Variants in PRKAG2 observed in about 807,000 individuals in gnomAD.
PRKAG2 encodes 5'-AMP-activated protein kinase subunit gamma-2.
In PRKAG2, 26 loss-of-function variants were observed where a neutral mutation model predicts 69.6. The observed-to-expected ratio is 0.37, with a 90% CI of 0.27 to 0.52. PRKAG2 has a LOEUF of 0.52. Ranked by LOEUF, PRKAG2 falls within the 20% of genes least tolerant of loss-of-function variation. The pLI is 0.90. For missense variants in PRKAG2, 557 were observed against 740.0 expected (o/e 0.75, Z 2.87); for synonymous variants, 293 against 285.0 (o/e 1.03, Z -0.28).
intron 1 of PRKAG2, among the ~76,000 whole-genome samples, chr7:151,870,368 T>G (rs1396420522): frequency 6.6e-6 from 1 of 152,122 alleles, no homozygotes; most frequent in East Asian, 1.9e-4. Flanking sequence ...ATTCAGTAAG[T>G]CTGGGCTACG....
intron 5 of PRKAG2, among the ~76,000 whole-genome samples, chr7:151,624,860 A>G (rs1419754038): frequency 1.3e-5 from 2 of 152,208 alleles, no homozygotes; most frequent in Non-Finnish European, 2.9e-5. Flanking sequence ...CATTTCTCCA[A>G]TGCCTCAAAT....
At chr7:151,863,024 A>C (rs1481217897) in intron 1 of PRKAG2, among the ~76,000 whole-genome samples, 1 of 139,228 alleles carries the variant, frequency 7.2e-6, no homozygotes, top group Non-Finnish European at 1.6e-5. Flanking sequence ...CCCCAGGTGC[A>C]GGGGGCACTT....
Position 151,756,892 on chromosome 7 carries a change from C to CGG in PRKAG2, c.466+24258_466+24259dup, listed in dbSNP as rs978684140. Among the ~76,000 whole-genome samples the CGG allele has an allele frequency of 8.8e-4, 134 of 152,270 alleles. No homozygotes were observed. Among genetic ancestry groups the CGG allele is most frequent in the African/African-American group, 3.2e-3 (132 of 41,560 alleles). On this transcript the variant is annotated intron_variant, in intron 3 of 15. Transcript: ENST00000287878. The surrounding 1 kb of genome is among the most constrained non-coding windows in gnomAD (Gnocchi z 4.9). ...GAGTAACCCTCTTCCAGGTAGGACC[C>CGG]GGGCTGACAGCTGAGCTAGGGCCAT...
chr7:151,629,091 A>C (rs965728659), intron 5 of PRKAG2, among the ~76,000 whole-genome samples: 1 of 152,214 alleles, frequency 6.6e-6, no homozygotes, highest in South Asian at 2.1e-4. Flanking sequence ...TTGGTAAAGA[A>C]GTTTTACTGG....
In PRKAG2 at chr7:151,855,174, C is replaced by T. The variant is rs761986689; in HGVS notation, c.114+21333G>A. ...CACACACCATCCTCCACACACACCA[C>T]CCTCCACACACACCACCCTCCACAC... On this transcript the variant is annotated intron_variant, in intron 1 of 15. Transcript: ENST00000287878. Among the ~76,000 whole-genome samples the T allele has an allele frequency of 5.6e-4, 44 of 78,140 alleles. 4 individuals are homozygous for T. The highest frequency in any genetic ancestry group is 1.1e-3 in the South Asian group (3 of 2,768). 51.3% of individuals were successfully genotyped at this position (78,140 alleles called of 152,430 possible).
chr7:151,627,215 G>A (rs1171518705), intron 5 of PRKAG2, among the ~76,000 whole-genome samples: 1 of 152,124 alleles, frequency 6.6e-6, no homozygotes, highest in Non-Finnish European at 1.5e-5. Context: ...ACAGATCTGG[G>A]CCTGAATCCC....
At chr7:151,809,318 G>A (rs1025150737) in intron 1 of PRKAG2, 14 of 454,888 alleles carry the variant, frequency 3.1e-5, no homozygotes, top group African/African-American at 1.8e-4. Context: ...AATCAGCAGC[G>A]GGGATCATCC....
chr7:151,691,026 C>T (rs570620361), intron 3 of PRKAG2, among the ~76,000 whole-genome samples: 21 of 152,084 alleles, frequency 1.4e-4, no homozygotes, highest in Admixed American at 1.0e-3. Flanking sequence ...TAAAATACGC[C>T]GTTAAGAAAA....
At chr7:151,659,786 A>G (rs1448028865) in intron 4 of PRKAG2, among the ~76,000 whole-genome samples, 1 of 152,256 alleles carries the variant, frequency 6.6e-6, no homozygotes, top group Non-Finnish European at 1.5e-5. Flanking sequence ...TGATTATTTC[A>G]GCATGGAGGG....
chr7:151,689,548 CAGG>C (rs1210006333), intron 3 of PRKAG2, among the ~76,000 whole-genome samples: 1 of 152,224 alleles, frequency 6.6e-6, no homozygotes, highest in Non-Finnish European at 1.5e-5. Flanking sequence ...TACAGCGAAG[CAGG>C]AGAAGGCGGC....
intron 1 of PRKAG2, among the ~76,000 whole-genome samples, chr7:151,852,500 A>C (rs1881639): frequency 0.065 from 9,926 of 152,124 alleles, 737 homozygotes; most frequent in East Asian, 0.39. Context: ...ATCTCAAAAA[A>C]AGAAAGTAAA....
intron 15 of PRKAG2, 135 bp from the exon 16 acceptor site, chr7:151,557,367 G>A: frequency 6.3e-7 from 1 of 1,597,184 alleles, no homozygotes; most frequent in Non-Finnish European, 8.5e-7. Flanking sequence ...GATGTGGGAA[G>A]GAGCAGGTGG....
chr7:151,571,238 C>G (rs1158500643), intron 9 of PRKAG2, among the ~76,000 whole-genome samples: 2 of 150,414 alleles, frequency 1.3e-5, no homozygotes, highest in Non-Finnish European at 3.0e-5. Flanking sequence ...CGCCTGGCTA[C>G]TTTTTTGTAT....
At chr7:151,572,544 A>G (rs1807824646) in intron 9 of PRKAG2, 120 bp downstream of exon 9, 2 of 750,914 alleles carry the variant, frequency 2.7e-6, no homozygotes, top group Non-Finnish European at 4.6e-6. Context: ...AATAAAGAGA[A>G]TGTTTTATAT....
At chr7:151,647,319 T>C (rs1397736353) in intron 4 of PRKAG2, among the ~76,000 whole-genome samples, 1 of 152,190 alleles carries the variant, frequency 6.6e-6, no homozygotes, top group Non-Finnish European at 1.5e-5. Context: ...CTCTGCTGCT[T>C]TGCAGCCAGA....
chr7:151,637,783 A>G (rs1480091332), intron 4 of PRKAG2, among the ~76,000 whole-genome samples: 1 of 151,710 alleles, frequency 6.6e-6, no homozygotes, highest in Non-Finnish European at 1.5e-5. Flanking sequence ...TATGTACATT[A>G]ATGTGCACAG....
At chr7:151,834,733 A>C (rs1489909027) in intron 1 of PRKAG2, among the ~76,000 whole-genome samples, 1 of 152,156 alleles carries the variant, frequency 6.6e-6, no homozygotes, top group Non-Finnish European at 1.5e-5. Flanking sequence ...GGGAGTGTGG[A>C]GGGCTACGGC....
chr7:151,591,472 T>C (rs1035658739), intron 6 of PRKAG2, among the ~76,000 whole-genome samples: 3 of 152,116 alleles, frequency 2.0e-5, no homozygotes, highest in Non-Finnish European at 4.4e-5. Context: ...GGGCAGAGCA[T>C]GAGGGACAGA....
intron 1 of PRKAG2, among the ~76,000 whole-genome samples, chr7:151,842,277 A>G (rs1287661422): frequency 3.7e-5 from 2 of 54,152 alleles, no homozygotes; most frequent in Middle Eastern, 0.018. Context: ...GGTAGTGATG[A>G]TGGTAGCAAT....
Sources: allele counts gnomAD v4.1 joint callset (sites outside exome capture counted in the v4.1 genomes callset), GRCh38; gene constraint gnomAD v4.1.1; non-coding constraint Gnocchi (gnomAD v3.1); transcripts MANE v1.5; gene names NCBI Gene and HGNC (gene_info 2026-07-23, HGNC 2026-07-21).